CHCHD3: variants seen among roughly 807,000 people sequenced by gnomAD.
The protein encoded by CHCHD3 is coiled-coil-helix-coiled-coil-helix domain containing 3.
CHCHD3 carries 20 observed loss-of-function variants against 38.2 expected under a neutral mutation model. The ratio of observed to expected loss-of-function variants is 0.52; its 90% CI spans 0.37 to 0.76. CHCHD3 has a LOEUF of 0.76. CHCHD3 is among the 30% of genes least tolerant of loss of function. The pLI, the probability that CHCHD3 is intolerant of heterozygous loss-of-function variation, is 0.00. For synonymous variants in CHCHD3, 82 were observed against 100.0 expected (o/e 0.82, Z 1.07); for missense variants, 245 against 279.2 (o/e 0.88, Z 0.87).
At chr7:133,040,269 G>A (rs1341150183) in intron 2 of CHCHD3, among the ~76,000 whole-genome samples, 2 of 152,142 alleles carry the variant, frequency 1.3e-5, no homozygotes, top group Non-Finnish European at 2.9e-5. Context: ...CCCTACTGAA[G>A]GAGTGAAGGA....
chr7:133,039,210 C>CTAGA (rs778535520), intron 2 of CHCHD3, among the ~76,000 whole-genome samples: 69 of 152,276 alleles, frequency 4.5e-4, no homozygotes, highest in Middle Eastern at 3.4e-3. Context: ...TGTGGGTATT[C>CTAGA]TATCTCAATA....
chr7:132,831,558 C>T (rs1807652011), intron 6 of CHCHD3, among the ~76,000 whole-genome samples: 1 of 152,108 alleles, frequency 6.6e-6, no homozygotes, highest in Non-Finnish European at 1.5e-5. Context: ...GAGTCACTGA[C>T]AAATTGCAAG....
At chr7:133,057,863 AT>A (rs768482839) in intron 2 of CHCHD3, among the ~76,000 whole-genome samples, 3 of 152,208 alleles carry the variant, frequency 2.0e-5, no homozygotes, top group African/African-American at 7.2e-5. Flanking sequence ...TATTAAAAAA[AT>A]AAAATATGTC....
intron 3 of CHCHD3, among the ~76,000 whole-genome samples, chr7:133,007,963 C>A (rs944520320): frequency 1.3e-5 from 2 of 152,166 alleles, no homozygotes; most frequent in African/African-American, 4.8e-5. Flanking sequence ...GATAACCTTT[C>A]CAGGTATGTC....
At chr7:132,999,452 G>A (rs1812510621) in intron 3 of CHCHD3, among the ~76,000 whole-genome samples, 1 of 152,094 alleles carries the variant, frequency 6.6e-6, no homozygotes, top group South Asian at 2.1e-4. Context: ...GGAAGGTACT[G>A]CTTTAGTTAT....
At chr7:132,915,061 C>A (rs2117226720) in intron 4 of CHCHD3, among the ~76,000 whole-genome samples, 1 of 151,710 alleles carries the variant, frequency 6.6e-6, no homozygotes, top group Middle Eastern at 3.4e-3. Context: ...ATTAGGGAGG[C>A]TCAGGCAGGA....
At position 132,785,431 on chromosome 7, in the gene CHCHD3, T is replaced by C. The variant is rs1362944943; in HGVS notation, c.*206A>G. ...ACTAATACTCAAGAGTGTCCTTTAA[T>C]GACTGATCCCTGATCAAGGCTTTGG... On this transcript the variant is annotated 3_prime_UTR_variant, in exon 8 of 8. Coordinates refer to ENST00000262570, the MANE Select transcript of CHCHD3 (RefSeq NM_017812.4). The C allele has an allele frequency of 1.6e-6, 1 of 618,034 alleles. No individual in the cohort carries two copies. Among genetic ancestry groups the C allele is most frequent in the Non-Finnish European group, 2.9e-6 (1 of 343,330 alleles). The allele number at this position is 618,034 out of a possible 1,614,324, so 38.3% of individuals were successfully genotyped here.
In CHCHD3 at chr7:132,875,163, G is replaced by GA. The variant is rs1390866527; in HGVS notation, c.453+10498dup. ...AATTCCATGTTTTGGGTATAATGGT[G>GA]AAACACATCATGCAGCATCCTCATC... On this transcript the variant is annotated intron_variant, in intron 5 of 7. Coordinates refer to ENST00000262570, the MANE Select transcript of CHCHD3 (RefSeq NM_017812.4). Among the ~76,000 whole-genome samples, 12 of 152,264 alleles carry GA rather than the reference G, an allele frequency of 7.9e-5. 3 individuals carry two copies. Among genetic ancestry groups the GA allele is most frequent in the African/African-American group, 2.9e-4 (12 of 41,562 alleles).
intron 5 of CHCHD3, among the ~76,000 whole-genome samples, chr7:132,855,865 TA>T (rs77266210): frequency 0.016 from 257 of 15,966 alleles, 3 homozygotes; most frequent in Admixed American, 0.026. Context: ...CATATTTGTT[TA>T]AAAAAAAAAA....
chr7:132,941,966 A>G (rs1486565784), intron 4 of CHCHD3, among the ~76,000 whole-genome samples: 1 of 152,212 alleles, frequency 6.6e-6, no homozygotes, highest in Admixed American at 6.5e-5. Flanking sequence ...GTAAGTACCT[A>G]TGCTCATTTG....
At chr7:132,914,672 A>T (rs924997103) in intron 4 of CHCHD3, among the ~76,000 whole-genome samples, 1 of 152,174 alleles carries the variant, frequency 6.6e-6, no homozygotes, top group Admixed American at 6.5e-5. Context: ...AGTTGGAACA[A>T]GGGGTGCCGC....
intron 6 of CHCHD3, among the ~76,000 whole-genome samples, chr7:132,831,544 GCTGGAGTCA>G (rs1807651862): frequency 6.6e-6 from 1 of 152,148 alleles, no homozygotes; most frequent in South Asian, 2.1e-4. Context: ...CAATAAGGGA[GCTGGAGTCA>G]CTGACAAATT....
intron 2 of CHCHD3, among the ~76,000 whole-genome samples, chr7:133,059,014 C>A (rs573353907): frequency 6.6e-6 from 1 of 152,158 alleles, no homozygotes; most frequent in South Asian, 2.1e-4. Flanking sequence ...CAACCCCTAC[C>A]CAGAAGCCAA....
chr7:132,921,405 G>A (rs1194289822), intron 4 of CHCHD3, among the ~76,000 whole-genome samples: 3 of 152,020 alleles, frequency 2.0e-5, no homozygotes, highest in Non-Finnish European at 4.4e-5. Flanking sequence ...TCCAAGTACT[G>A]GGACAAGTTT....
At chr7:132,801,552 A>G (rs1023014396) in intron 6 of CHCHD3, among the ~76,000 whole-genome samples, 2 of 152,218 alleles carry the variant, frequency 1.3e-5, no homozygotes, top group African/African-American at 4.8e-5. Flanking sequence ...TACCATCACA[A>G]CACAAAATGC....
chr7:133,071,989 A>G (rs1814830324), intron 1 of CHCHD3, among the ~76,000 whole-genome samples: 1 of 152,122 alleles, frequency 6.6e-6, no homozygotes, highest in Admixed American at 6.5e-5. Flanking sequence ...TTGGGGTGAT[A>G]AAAATATTCT....
At chr7:133,064,874 C>G (rs1423697728) in intron 2 of CHCHD3, among the ~76,000 whole-genome samples, 1 of 152,154 alleles carries the variant, frequency 6.6e-6, no homozygotes, top group Non-Finnish European at 1.5e-5. Context: ...CTCCTAATAT[C>G]ATTTCCTGTC....
chr7:132,953,124 T>C (rs962711971), intron 4 of CHCHD3, among the ~76,000 whole-genome samples: 1 of 152,122 alleles, frequency 6.6e-6, no homozygotes, highest in African/African-American at 2.4e-5. Flanking sequence ...TCCTCAGTGA[T>C]AGCTAGTCTA....
At chr7:132,884,479 C>T (rs796493699) in intron 5 of CHCHD3, among the ~76,000 whole-genome samples, 13 of 152,290 alleles carry the variant, frequency 8.5e-5, no homozygotes, top group African/African-American at 2.9e-4. Context: ...AAGTAAATAT[C>T]TGCTACATGA....
Sources: allele counts gnomAD v4.1 joint callset (sites outside exome capture counted in the v4.1 genomes callset), GRCh38; gene constraint gnomAD v4.1.1; transcripts MANE v1.5; gene names NCBI Gene and HGNC (gene_info 2026-07-23, HGNC 2026-07-21).